KATNAL1: variants seen among roughly 807,000 people sequenced by gnomAD.
The protein encoded by KATNAL1 is katanin p60 ATPase-containing subunit A-like 1.
A neutral mutation model predicts 55.2 loss-of-function variants in KATNAL1; 32 were observed. That is an observed-to-expected ratio of 0.58 (90% CI 0.44 to 0.78). The LOEUF is 0.78. Ranked by LOEUF, KATNAL1 falls within the 30% of genes least tolerant of loss-of-function variation. The pLI is 0.00. For synonymous variants in KATNAL1, 193 were observed against 193.6 expected, an observed-to-expected ratio of 1.00 and a Z score of 0.02; for missense variants, 466 against 600.9, an observed-to-expected ratio of 0.78 and a Z score of 2.35.
At chr13:30,266,631 T>G (rs1221305264) in intron 3 of KATNAL1, among the ~76,000 whole-genome samples, 2 of 152,206 alleles carry the variant, frequency 1.3e-5, no homozygotes, top group Admixed American at 1.3e-4. Flanking sequence ...CCCATTTTCT[T>G]AAATATTCCA....
rs1883259104 is a variant in KATNAL1 at position 30,307,488 on chromosome 13, G to C, written c.-172C>G. The C allele has an allele frequency of 2.6e-5, 4 of 151,906 alleles. No homozygotes were observed. Among genetic ancestry groups the C allele is most frequent in the Admixed American group, 2.6e-4 (4 of 15,278 alleles). 9.4% of individuals were successfully genotyped at this position (151,906 alleles called of 1,614,324 possible). ...GTTGCCATGGCAGCCGCGGCCGCGC[G>C]GTGGGCGCAGCGCGGGAGGGAGCGC... On this transcript the variant is annotated 5_prime_UTR_variant, in exon 1 of 11. Coordinates refer to ENST00000380615, the MANE Select transcript of KATNAL1 (RefSeq NM_032116.5).
chr13:30,257,020 T>C (rs886742467), intron 3 of KATNAL1, among the ~76,000 whole-genome samples: 5 of 152,210 alleles, frequency 3.3e-5, no homozygotes, highest in African/African-American at 1.2e-4. Context: ...CATTTTAAAA[T>C]TTAAAGTATT....
chr13:30,225,237 C>T (rs1197528274), intron 9 of KATNAL1, among the ~76,000 whole-genome samples: 7 of 152,096 alleles, frequency 4.6e-5, no homozygotes, highest in African/African-American at 7.2e-5. Context: ...TTACTTCTAC[C>T]ACTTCACATT....
intron 3 of KATNAL1, among the ~76,000 whole-genome samples, chr13:30,274,893 G>A (rs2388503): frequency 0.088 from 8,804 of 100,458 alleles, 379 homozygotes; most frequent in Admixed American, 0.14. Flanking sequence ...ACACACATAC[G>A]CGCGCGCGCG....
chr13:30,273,648 C>T (rs915860910), intron 3 of KATNAL1, among the ~76,000 whole-genome samples: 5 of 152,192 alleles, frequency 3.3e-5, no homozygotes, highest in African/African-American at 1.2e-4. Flanking sequence ...TCCCATACTT[C>T]AGAAACAGAA....
At chr13:30,261,829 G>A (rs972042429) in intron 3 of KATNAL1, among the ~76,000 whole-genome samples, 4 of 151,914 alleles carry the variant, frequency 2.6e-5, no homozygotes, top group Admixed American at 2.0e-4. Context: ...AGTCAACAAG[G>A]ATACCCAGGT....
chr13:30,252,476 A>G (rs1307316972), intron 4 of KATNAL1, among the ~76,000 whole-genome samples: 1 of 152,246 alleles, frequency 6.6e-6, no homozygotes, highest in Admixed American at 6.5e-5. Flanking sequence ...AGAGTGCTGC[A>G]GCAGCTTTCA....
At chr13:30,257,795 C>T (rs1338682864) in intron 3 of KATNAL1, among the ~76,000 whole-genome samples, 4 of 152,182 alleles carry the variant, frequency 2.6e-5, no homozygotes, top group South Asian at 2.1e-4. Context: ...AGAAGCCAGA[C>T]GTGTCGTTTG....
rs778786520 is a variant in KATNAL1 at position 30,208,668 on chromosome 13, T to C, written c.1345A>G (p.Lys449Glu). Residue 449 changes from lysine (K) to glutamate (E), a missense_variant, in exon 11 of 11, where the codon AAA becomes GAA. Physicochemically the swap from Lys to Glu is moderately conservative, Grantham distance 56 (BLOSUM62 1). Around this residue, in one of 3 missense-constraint regions of KATNAL1, gnomAD observed 213 missense variants for 308.6 expected, o/e 0.69. Coordinates refer to ENST00000380615, the MANE Select transcript of KATNAL1 (RefSeq NM_032116.5). ...GTAACAGGCATCTGAAGTTCCTCTT[T>C]AGAAAGTGCACGGATTTCTTCTGGA... ...LSPEEIRALSKEELQMPVTKG... is the reference protein window; with the variant it reads ...LSPEEIRALSEEELQMPVTKG... The C allele has an allele frequency of 1.2e-6, 2 of 1,613,930 alleles. No homozygotes were observed. Among genetic ancestry groups the C allele is most frequent in the African/African-American group, 1.3e-5 (1 of 74,928 alleles).
At chr13:30,227,361 G>A (rs755726827) in intron 9 of KATNAL1, 51 bp downstream of exon 9, 2 of 1,557,226 alleles carry the variant, frequency 1.3e-6, no homozygotes, top group South Asian at 1.2e-5. Flanking sequence ...TAGATACATG[G>A]GAAAGGTAAC....
At chr13:30,253,933 G>A (rs903430278) in intron 4 of KATNAL1, among the ~76,000 whole-genome samples, 3 of 152,080 alleles carry the variant, frequency 2.0e-5, no homozygotes, top group Non-Finnish European at 4.4e-5. Context: ...AAGTTTTAGC[G>A]CTCTGTACCA....
chr13:30,212,597 T>A (rs145410988), intron 9 of KATNAL1, among the ~76,000 whole-genome samples: 3 of 152,180 alleles, frequency 2.0e-5, no homozygotes, highest in Non-Finnish European at 4.4e-5. Flanking sequence ...GGAAAACATA[T>A]TGAATTCATC....
intron 9 of KATNAL1, among the ~76,000 whole-genome samples, chr13:30,213,662 T>A (rs1029688655): frequency 2.6e-5 from 4 of 152,056 alleles, no homozygotes; most frequent in Non-Finnish European, 4.4e-5. Context: ...AACAGAACCA[T>A]AGACAAAAAC....
chr13:30,273,015 A>G (rs1161621849), intron 3 of KATNAL1, among the ~76,000 whole-genome samples: 1 of 152,096 alleles, frequency 6.6e-6, no homozygotes, highest in African/African-American at 2.4e-5. Flanking sequence ...CCAGCTGCCC[A>G]TGCACTCCCT....
intron 7 of KATNAL1, 24 bp from the exon 8 acceptor site, chr13:30,230,618 ATCAT>A (rs767023845): frequency 3.0e-5 from 46 of 1,542,530 alleles, no homozygotes; most frequent in Admixed American, 5.6e-5. Context: ...TTTTAAAGAA[ATCAT>A]TCAATAATCT....
At position 30,234,506 on chromosome 13, in the gene KATNAL1, G is replaced by A. The variant is rs187148818; in HGVS notation, c.727-3034C>T. On this transcript the variant is annotated intron_variant, in intron 6 of 10. Coordinates refer to ENST00000380615, the MANE Select transcript of KATNAL1 (RefSeq NM_032116.5). ...GAAACCCTGACACTGCTCTTTTCCT[G>A]ACACTTCTGCTCTCTGGCTATGTTC... Among the ~76,000 whole-genome samples the A allele has an allele frequency of 9.8e-4, 149 of 152,132 alleles. 1 individual carries two copies. The highest frequency in any genetic ancestry group is 3.4e-3 in the African/African-American group (141 of 41,510).
At chr13:30,248,221 C>T (rs1464709479) in intron 4 of KATNAL1, among the ~76,000 whole-genome samples, 1 of 152,178 alleles carries the variant, frequency 6.6e-6, no homozygotes, top group East Asian at 1.9e-4. Flanking sequence ...TGACCTAAGA[C>T]TCATCCCTGT....
intron 7 of KATNAL1, 26 bp from the exon 8 acceptor site, chr13:30,230,620 C>A: frequency 1.3e-6 from 2 of 1,536,888 alleles, no homozygotes; most frequent in East Asian, 2.3e-5. Flanking sequence ...TTAAAGAAAT[C>A]ATTCAATAAT....
intron 9 of KATNAL1, among the ~76,000 whole-genome samples, chr13:30,227,143 G>A (rs1875575096): frequency 6.6e-6 from 1 of 151,982 alleles, no homozygotes; most frequent in Admixed American, 6.6e-5. Flanking sequence ...AGCATATTCT[G>A]AAAAAGATCC....
Sources: gnomAD v4.1 joint callset for allele counts (sites outside exome capture counted in the v4.1 genomes callset) on GRCh38, gnomAD v4.1.1 for gene constraint, gnomAD v4.1.1 regional missense constraint, MANE v1.5 for transcripts, NCBI Gene and HGNC (gene_info 2026-07-23, HGNC 2026-07-21) for gene names.